Variants in KAZN observed in about 807,000 individuals in gnomAD.
KAZN encodes the protein kazrin, periplakin interacting protein.
KAZN carries 40 observed loss-of-function variants against 87.4 expected under a neutral mutation model. That is an observed-to-expected ratio of 0.46 (90% CI 0.36 to 0.60). The LOEUF is 0.60. Ranked by LOEUF, KAZN falls within the 20% of genes least tolerant of loss-of-function variation. The pLI is 0.00. For synonymous variants in KAZN, 466 were observed against 458.3 expected, an observed-to-expected ratio of 1.02 and a Z score of -0.22; for missense variants, 898 against 1,073.9, an observed-to-expected ratio of 0.84 and a Z score of 2.29.
chr1:15,079,964 A>G (rs965150805), intron 8 of KAZN, among the ~76,000 whole-genome samples: 1 of 152,156 alleles, frequency 6.6e-6, no homozygotes, highest in Non-Finnish European at 1.5e-5. Flanking sequence ...TCTTCCCTGG[A>G]CCTCTTAGCA....
chr1:14,595,593 A>T (rs180882788), upstream of KAZN, among the ~76,000 whole-genome samples: 1,049 of 150,694 alleles, frequency 7.0e-3, 22 homozygotes, highest in Admixed American at 0.051. Context: ...GAGGCAGACA[A>T]TCCCTTGAAC....
intron 1 of KAZN, among the ~76,000 whole-genome samples, chr1:14,892,705 T>C (rs536375051): frequency 6.6e-6 from 1 of 152,316 alleles, no homozygotes; most frequent in South Asian, 2.1e-4. Context: ...CATAGGGGTG[T>C]GTGTTCATGT....
At chr1:14,391,510 A>G (rs995965727) in intron 2 of KAZN, 4 of 152,196 alleles carry the variant, frequency 2.6e-5, no homozygotes, top group Admixed American at 2.0e-4. Flanking sequence ...TGCACACTTC[A>G]CTCTTCTGGC....
chr1:14,560,383 C>T (rs1674175443), intron 2 of KAZN, among the ~76,000 whole-genome samples: 1 of 152,038 alleles, frequency 6.6e-6, no homozygotes, highest in African/African-American at 2.4e-5. Context: ...AGTTTGAGAC[C>T]AGCCTGGCCA....
intron 2 of KAZN, among the ~76,000 whole-genome samples, chr1:14,227,391 G>T (rs1376990468): frequency 1.3e-5 from 2 of 152,174 alleles, no homozygotes; most frequent in Non-Finnish European, 2.9e-5. Context: ...GGACCTGGAA[G>T]AGTTAAAGCT....
At chr1:14,624,003 G>A (rs939413215) in intron 1 of KAZN, among the ~76,000 whole-genome samples, 4 of 152,136 alleles carry the variant, frequency 2.6e-5, no homozygotes, top group African/African-American at 9.7e-5. Flanking sequence ...AAAACAATGT[G>A]TATTCTGTTA....
chr1:14,802,145 C>T (rs555108931), intron 1 of KAZN, among the ~76,000 whole-genome samples: 56 of 152,170 alleles, frequency 3.7e-4, no homozygotes, highest in Non-Finnish European at 6.2e-4. Flanking sequence ...GTGGCTCACA[C>T]CTGTAATCCC....
chr1:14,647,216 G>A (rs1192177119), intron 1 of KAZN, among the ~76,000 whole-genome samples: 2 of 152,128 alleles, frequency 1.3e-5, no homozygotes, highest in African/African-American at 4.8e-5. Flanking sequence ...TCCGTTGCAT[G>A]AAAATATAAT....
intron 1 of KAZN, among the ~76,000 whole-genome samples, chr1:14,710,687 C>T (rs1642438696): frequency 6.6e-6 from 1 of 152,156 alleles, no homozygotes; most frequent in Non-Finnish European, 1.5e-5. Flanking sequence ...TTTTCCATTG[C>T]CCCAGCCCTC....
At chr1:14,150,313 T>C (rs1645444987) in intron 1 of KAZN, among the ~76,000 whole-genome samples, 1 of 152,152 alleles carries the variant, frequency 6.6e-6, no homozygotes, top group African/African-American at 2.4e-5. Flanking sequence ...GGTAACTTTA[T>C]ACAGCCTGAA....
intron 2 of KAZN, among the ~76,000 whole-genome samples, chr1:14,583,983 C>T (rs1434340805): frequency 6.6e-6 from 1 of 152,200 alleles, no homozygotes; most frequent in Non-Finnish European, 1.5e-5. Flanking sequence ...TCATCATCTC[C>T]AAGTCCCCGC....
intron 1 of KAZN, among the ~76,000 whole-genome samples, chr1:14,160,802 G>C (rs1037319201): frequency 2.6e-5 from 4 of 152,126 alleles, no homozygotes; most frequent in Non-Finnish European, 5.9e-5. Flanking sequence ...ATTATCCTTG[G>C]TAGGTGGGTG....
At chr1:14,745,331 A>G (rs1192729664) in intron 1 of KAZN, among the ~76,000 whole-genome samples, 1 of 152,106 alleles carries the variant, frequency 6.6e-6, no homozygotes, top group African/African-American at 2.4e-5. Context: ...CTGTTTTTAA[A>G]TGGTACGCAG....
At chr1:14,679,208 G>C (rs753304763) in intron 1 of KAZN, among the ~76,000 whole-genome samples, 1 of 152,154 alleles carries the variant, frequency 6.6e-6, no homozygotes, top group Non-Finnish European at 1.5e-5. Flanking sequence ...ATGTAGGGCC[G>C]CATGAGGAAG....
chr1:14,798,416 CTTTTTTTTTTTTTTT>C (rs545959773), intron 1 of KAZN, among the ~76,000 whole-genome samples: 1 of 88,148 alleles, frequency 1.1e-5, no homozygotes, highest in East Asian at 3.7e-4. Context: ...TGTTTCTTTC[CTTTTTTTTTTTTTTT>C]TTTTTTTTTT....
chr1:15,074,317 C>T (rs61772201), intron 8 of KAZN, among the ~76,000 whole-genome samples: 13,717 of 152,212 alleles, frequency 0.09, 690 homozygotes, highest in East Asian at 0.25. Context: ...GTGTGAATGA[C>T]GGGTCTGCAG....
chr1:14,290,062 GC>G lies in KAZN; in HGVS notation c.249+109471del, dbSNP rs1003770767. On this transcript the variant is annotated intron_variant, in intron 2 of 16. Transcript: ENST00000636203. ...GAGAGATCTGCTGTTAGTCTGATGG[GC>G]TTCCCTTTGTGGGTAACCCGACCTT... is the stretch of plus-strand genomic sequence containing the variant. Among the ~76,000 whole-genome samples, 17 of 152,304 alleles carry G rather than the reference GC, an allele frequency of 1.1e-4. No individual in the cohort carries two copies. The South Asian group carries it at 3.5e-3, about 32-fold the overall frequency.
At chr1:14,731,440 T>A (rs143716328) in intron 1 of KAZN, among the ~76,000 whole-genome samples, 33 of 152,312 alleles carry the variant, frequency 2.2e-4, no homozygotes, top group Middle Eastern at 6.8e-3. Flanking sequence ...TCTAGAAGCC[T>A]TGCTCCAGGG....
intron 1 of KAZN, among the ~76,000 whole-genome samples, chr1:14,876,997 A>G (rs1044678417): frequency 5.9e-5 from 9 of 152,246 alleles, no homozygotes; most frequent in African/African-American, 1.9e-4. Context: ...CCAAATATAT[A>G]CATACATGTA....
Sources: gnomAD v4.1 joint callset for allele counts (sites outside exome capture counted in the v4.1 genomes callset) on GRCh38, gnomAD v4.1.1 for gene constraint, MANE v1.5 for transcripts, NCBI Gene and HGNC (gene_info 2026-07-23, HGNC 2026-07-21) for gene names.